The following ADCYAP1R1 variants were observed in gnomAD, a reference collection of about 807,000 sequenced individuals.
ADCYAP1R1 encodes the protein pituitary adenylate cyclase-activating polypeptide type I receptor.
ADCYAP1R1 carries 44 observed loss-of-function variants against 67.6 expected under a neutral mutation model. The observed-to-expected ratio is 0.65, with a 90% CI of 0.51 to 0.84. The LOEUF (loss-of-function observed/expected upper bound fraction) is 0.84. Among genes scored for constraint, ADCYAP1R1 ranks in the 40% least tolerant of loss-of-function variants. ADCYAP1R1 has a pLI of 0.00. For missense variants in ADCYAP1R1, 477 were observed against 587.9 expected (o/e 0.81, Z 1.95); for synonymous variants, 222 against 219.6 (o/e 1.01, Z -0.10).
intron 14 of ADCYAP1R1, among the ~76,000 whole-genome samples, chr7:31,103,816 G>A (rs191935760): frequency 3.7e-4 from 57 of 152,312 alleles, no homozygotes; most frequent in Non-Finnish European, 2.9e-4. Flanking sequence ...AGTGAGTGGG[G>A]GGATGAGAGG....
Position 31,110,813 on chromosome 7 carries a change from C to T in ADCYAP1R1, c.*4129C>T, listed in dbSNP as rs2128001748. 6.6e-6 allele frequency: 1 copy of T among 152,266 alleles called. No individual in the cohort carries two copies. The highest frequency in any genetic ancestry group is 6.5e-5 in the Admixed American group (1 of 15,292). The allele number at this position is 152,266 out of a possible 1,614,324, so 9.4% of individuals were successfully genotyped here. On this transcript the variant is annotated 3_prime_UTR_variant, in exon 16 of 16. Transcript: ENST00000304166. ...GAGGACTTCATTGGCATTGTTAGTC[C>T]CACAGGCCAAGGATAAGGTTGAAAT...
intron 3 of ADCYAP1R1, among the ~76,000 whole-genome samples, 157 bp downstream of exon 3, chr7:31,065,093 A>G (rs571521555): frequency 1.8e-4 from 27 of 152,240 alleles, no homozygotes; most frequent in Admixed American, 5.2e-4. Flanking sequence ...GCTCTGGGCA[A>G]TGATGCTGGG....
chr7:31,068,741 C>T (rs973762311), intron 3 of ADCYAP1R1, among the ~76,000 whole-genome samples: 1 of 152,204 alleles, frequency 6.6e-6, no homozygotes, highest in Non-Finnish European at 1.5e-5. Flanking sequence ...CCATCTTGCT[C>T]ACTTTGGGGC....
At chr7:31,053,297 G>T (rs73088279) in intron 1 of ADCYAP1R1, among the ~76,000 whole-genome samples, 37,113 of 152,190 alleles carry the variant, frequency 0.24, 4,783 homozygotes, top group African/African-American at 0.3. Context: ...GCTGGGGTTG[G>T]GGATGCCAGG....
At chr7:31,092,818 G>A (rs975795190) in intron 13 of ADCYAP1R1, 83 bp downstream of exon 13, 7 of 987,378 alleles carry the variant, frequency 7.1e-6, no homozygotes, top group Non-Finnish European at 9.3e-6. Context: ...AGGCGGCCTG[G>A]GCTTTGCTGA....
At chr7:31,058,147 G>A (rs949982353) in intron 1 of ADCYAP1R1, among the ~76,000 whole-genome samples, 2 of 152,256 alleles carry the variant, frequency 1.3e-5, no homozygotes, top group African/African-American at 4.8e-5. Flanking sequence ...AGACGCTGGA[G>A]TGGGGCAAGT....
At chr7:31,079,911 C>A (rs1795443769) in intron 4 of ADCYAP1R1, among the ~76,000 whole-genome samples, 1 of 152,200 alleles carries the variant, frequency 6.6e-6, no homozygotes, top group South Asian at 2.1e-4. Flanking sequence ...GGGGGGCAGT[C>A]AGGCATGGTG....
At position 31,106,588 on chromosome 7, in the gene ADCYAP1R1, C is replaced by T. The variant is rs747187335; in HGVS notation, c.1311C>T (p.Ser437=). 2 of 1,614,030 alleles carry T rather than the reference C, an allele frequency of 1.2e-6. No homozygotes were observed. The highest frequency in any genetic ancestry group is 1.7e-5 in the Admixed American group (1 of 60,008). ...DFKHRHPSLA[S]SGVNGGTQLS... ...AGCACCGACACCCGTCTCTGGCCAG[C>T]AGTGGGGTGAATGGGGGCACCCAGC... is the stretch of plus-strand genomic sequence containing the variant. Residue 437 remains serine (S), a synonymous_variant, in exon 16 of 16, where the codon AGC becomes AGT. Transcript: ENST00000304166.
rs1347785842 is a variant in ADCYAP1R1, at chr7:31,110,415, A to G, written c.*3731A>G. On this transcript the variant is annotated 3_prime_UTR_variant, in exon 16 of 16. Transcript: ENST00000304166. ...AGGCTCACAAAATACTAAAGCTGGG[A>G]GGAAACTTGGAGATCTATAGGTCAA... is the stretch of plus-strand genomic sequence containing the variant. 1 of 152,088 alleles carries G rather than the reference A, an allele frequency of 6.6e-6. No individual in the cohort carries two copies. The highest frequency in any genetic ancestry group is 1.5e-5 in the Non-Finnish European group (1 of 68,028). The allele number at this position is 152,088 out of a possible 1,614,324, so 9.4% of individuals were successfully genotyped here. A position where few individuals can be genotyped will look rare whatever the true frequency, so the allele number is the denominator to read the frequency against.
At chr7:31,077,672 TGTGA>T (rs1294861851) in intron 3 of ADCYAP1R1, among the ~76,000 whole-genome samples, 1 of 148,192 alleles carries the variant, frequency 6.7e-6, no homozygotes, top group Non-Finnish European at 1.5e-5. Context: ...GTGGTGTATG[TGTGA>T]GTGGTGTGTG....
intron 3 of ADCYAP1R1, among the ~76,000 whole-genome samples, chr7:31,075,298 C>T (rs182534853): frequency 6.6e-4 from 101 of 152,290 alleles, no homozygotes; most frequent in Middle Eastern, 3.4e-3. Context: ...GAGCTTTGCA[C>T]GTATGAACTC....
intron 5 of ADCYAP1R1, among the ~76,000 whole-genome samples, chr7:31,081,311 G>T (rs1263489312): frequency 6.6e-6 from 1 of 152,076 alleles, no homozygotes; most frequent in Non-Finnish European, 1.5e-5. Context: ...GTGGAGGGTC[G>T]AGCACCAAAA....
At chr7:31,080,502 T>C (rs1422286634) in intron 4 of ADCYAP1R1, 111 bp from the exon 5 acceptor site, 7 of 1,102,766 alleles carry the variant, frequency 6.3e-6, no homozygotes, top group Non-Finnish European at 9.3e-6. Context: ...ATGTTTGGGG[T>C]TGGGAAGGAG....
intron 3 of ADCYAP1R1, among the ~76,000 whole-genome samples, chr7:31,068,717 C>A (rs942208053): frequency 1.3e-5 from 2 of 152,158 alleles, no homozygotes; most frequent in African/African-American, 4.8e-5. Flanking sequence ...GGAGGCTGTC[C>A]TGAGAAGCAG....
At chr7:31,053,436 C>T (rs1453647570) in intron 1 of ADCYAP1R1, among the ~76,000 whole-genome samples, 1 of 152,132 alleles carries the variant, frequency 6.6e-6, no homozygotes, top group East Asian at 1.9e-4. Flanking sequence ...GCGGCGGCTG[C>T]GGGGGGCGGA....
At chr7:31,054,416 G>C (rs895664573) in intron 1 of ADCYAP1R1, among the ~76,000 whole-genome samples, 4 of 152,200 alleles carry the variant, frequency 2.6e-5, no homozygotes, top group African/African-American at 9.7e-5. Context: ...TAAGGTTCAG[G>C]CTGGCAGGGG....
chr7:31,086,793 C>A lies in ADCYAP1R1; in HGVS notation c.824-150C>A. Reference sequence around the variant, plus strand: ...TTGGTCTGAGGGAGATATAGACCCTCAGGAGGCCTGGGTGTGAGGGACAGT... The same window carrying A: ...TTGGTCTGAGGGAGATATAGACCCTAAGGAGGCCTGGGTGTGAGGGACAGT... On this transcript the variant is annotated intron_variant, in intron 10 of 15. Transcript: ENST00000304166. The surrounding 1 kb of genome is among the most constrained non-coding windows in gnomAD (Gnocchi z 5.0). The A allele has an allele frequency of 1.1e-6, 1 of 945,694 alleles. No homozygotes were observed. The highest frequency in any genetic ancestry group is 1.7e-6 in the Non-Finnish European group (1 of 594,716). 58.6% of individuals were successfully genotyped at this position (945,694 alleles called of 1,614,324 possible).
rs1795406814 is a variant in ADCYAP1R1, at chr7:31,079,135, G to A, written c.265+1037G>A. Among the ~76,000 whole-genome samples, 3 of 152,208 alleles carry A rather than the reference G, an allele frequency of 2.0e-5. No homozygotes were observed. The South Asian group carries it at 6.2e-4, about 31-fold the overall frequency. On this transcript the variant is annotated intron_variant, in intron 4 of 15. Transcript: ENST00000304166. ...TAGCCCCATCTCCATTGCAGGGGGT[G>A]TCTGAGGGAAAGGGGTAGCTGTAGA...
Position 31,085,508 on chromosome 7 carries a change from C to T in ADCYAP1R1, c.669+66C>T, listed in dbSNP as rs1267377122. On this transcript the variant is annotated intron_variant, in intron 9 of 15. Transcript: ENST00000304166. ...GGTCCCGCACCATCCCCTTGGTTCC[C>T]CAGGACGCACATTACCTGCCTGACA... 5.9e-6 allele frequency: 9 copies of T among 1,535,770 alleles called. No homozygotes were observed. The South Asian group carries it at 7.4e-5, about 13-fold the overall frequency.
Sources: gnomAD v4.1 joint callset for allele counts (sites outside exome capture counted in the v4.1 genomes callset) on GRCh38, gnomAD v4.1.1 for gene constraint, Gnocchi (gnomAD v3.1) non-coding constraint, MANE v1.5 for transcripts, NCBI Gene and HGNC (gene_info 2026-07-23, HGNC 2026-07-21) for gene names.